The following CDH17 variants were observed in gnomAD, a reference collection of about 807,000 sequenced individuals.
CDH17 encodes the protein cadherin-17.
In CDH17, 67 loss-of-function variants were observed where a neutral mutation model predicts 86.3. That is an observed-to-expected ratio of 0.78 (90% CI 0.64 to 0.95). The LOEUF is 0.95. CDH17 is among the 40% of genes least tolerant of loss of function. The pLI is 0.00. For synonymous variants in CDH17, 367 were observed against 366.4 expected, an observed-to-expected ratio of 1.00 and a Z score of -0.02; for missense variants, 993 against 1,017.6, an observed-to-expected ratio of 0.98 and a Z score of 0.33.
intron 1 of CDH17, among the ~76,000 whole-genome samples, chr8:94,215,525 T>C (rs1446672163): frequency 1.3e-5 from 2 of 152,168 alleles, no homozygotes; most frequent in African/African-American, 4.8e-5. Flanking sequence ...CTAAAAGACA[T>C]GGGGCTGCTT....
intron 12 of CDH17, among the ~76,000 whole-genome samples, chr8:94,155,857 G>A (rs1277590030): frequency 6.6e-6 from 1 of 152,216 alleles, no homozygotes; most frequent in Non-Finnish European, 1.5e-5. Flanking sequence ...ATGAAAAGCA[G>A]CAGCCTGCCA....
intron 15 of CDH17, among the ~76,000 whole-genome samples, chr8:94,141,213 C>T (rs1297663787): frequency 1.3e-5 from 2 of 151,276 alleles, no homozygotes; most frequent in South Asian, 2.1e-4. Context: ...AAATCAGCCA[C>T]ATAGTCAATA....
At chr8:94,195,132 G>A (rs569427446) in intron 1 of CDH17, among the ~76,000 whole-genome samples, 62 of 152,232 alleles carry the variant, frequency 4.1e-4, no homozygotes, top group Non-Finnish European at 7.4e-4. Context: ...TTCCCAAGTA[G>A]CTGGGATTAC....
chr8:94,184,840 A>T lies in CDH17; in HGVS notation c.150+4347T>A, dbSNP rs75759452. 4.7e-3 allele frequency among the ~76,000 whole-genome samples: 711 copies of T among 152,256 alleles called. 7 individuals are homozygous for T. Among genetic ancestry groups the T allele is most frequent in the African/African-American group, 0.016 (683 of 41,542 alleles). On this transcript the variant is annotated intron_variant, in intron 3 of 17. Coordinates refer to ENST00000027335, the MANE Select transcript of CDH17 (RefSeq NM_004063.4). ...CTAGTTGAAAATCCACAATGAAAGA[A>T]GTGTATGGTGGTTCAGTTCATTTTA...
chr8:94,131,101 TGAGTTAAACTGCCCAAA>T (rs1426175974), intron 15 of CDH17, 109 bp from the exon 16 acceptor site: 12 of 673,542 alleles, frequency 1.8e-5, no homozygotes, highest in Non-Finnish European at 3.2e-5. Flanking sequence ...TGGCTAGATA[TGAGTTAAACTGCCCAAA>T]GTATCATCCA....
intron 1 of CDH17, among the ~76,000 whole-genome samples, chr8:94,201,002 G>A (rs1359642159): frequency 6.6e-6 from 1 of 152,228 alleles, no homozygotes; most frequent in East Asian, 1.9e-4. Flanking sequence ...CACAATGCCA[G>A]GCTAATTTTC....
At chr8:94,180,680 G>C (rs1813464280) in intron 3 of CDH17, among the ~76,000 whole-genome samples, 1 of 152,140 alleles carries the variant, frequency 6.6e-6, no homozygotes, top group South Asian at 2.1e-4. Context: ...GCAGTCACGA[G>C]ATTAGGAGAT....
At chr8:94,153,758 GA>G in intron 12 of CDH17, among the ~76,000 whole-genome samples, 1 of 152,284 alleles carries the variant, frequency 6.6e-6, no homozygotes, top group East Asian at 1.9e-4. Context: ...TAACACGGAT[GA>G]ACCTAGAAGA....
At position 94,146,052 on chromosome 8, in the gene CDH17, A is replaced by T; in HGVS notation, c.2043T>A (p.Ser681Arg). Residue 681 changes from serine (S) to arginine (R), a missense_variant, in exon 15 of 18, where the codon AGT becomes AGA. Ser to Arg is a moderately radical substitution (Grantham distance 110, BLOSUM62 -1). Coordinates refer to ENST00000027335, the MANE Select transcript of CDH17 (RefSeq NM_004063.4). The stretch of plus-strand genomic sequence containing the variant: ...CCTCGAAAATGAGACTTCCAGGTGC[A>T]CTGAGGGGATGGCAGAAGAACAAGC... Reference protein sequence around the residue: ...YTGLFFCHPLSAPGSLIFEAT... With the variant: ...YTGLFFCHPLRAPGSLIFEAT... 6.2e-7 allele frequency: 1 copy of T among 1,613,900 alleles called. No homozygotes were observed. Among genetic ancestry groups the T allele is most frequent in the Non-Finnish European group, 8.5e-7 (1 of 1,179,918 alleles).
intron 3 of CDH17, 141 bp from the exon 4 acceptor site, chr8:94,177,862 T>G (rs1813405292): frequency 2.7e-6 from 2 of 746,298 alleles, no homozygotes; most frequent in Non-Finnish European, 4.3e-6. Flanking sequence ...AGTGGTACCT[T>G]CTAAAAGTTT....
intron 12 of CDH17, among the ~76,000 whole-genome samples, chr8:94,156,643 A>G (rs894122884): frequency 1.3e-5 from 2 of 152,168 alleles, no homozygotes; most frequent in Non-Finnish European, 2.9e-5. Flanking sequence ...TTTCCCCTTG[A>G]GAGGCTGAGG....
chr8:94,189,964 A>C (rs531952103), intron 2 of CDH17, among the ~76,000 whole-genome samples: 2 of 152,358 alleles, frequency 1.3e-5, no homozygotes, highest in East Asian at 3.9e-4. Context: ...CAATGGTTCC[A>C]AAATCCAAAG....
rs1412967476 is a variant in CDH17, at chr8:94,170,953, G to A, written c.816C>T (p.Ser272=). Residue 272 remains serine, a synonymous_variant, in exon 8 of 18, where the codon TCC becomes TCT. Transcript: ENST00000027335. ...VRWNDPGAQY[S]LVDKEKLPRF... is the part of the protein sequence containing the mutation. ...TTGGCAGCTTCTCTTTGTCAACTAA[G>A]GAATATTGTGCACCGGGATCATTCC... 6.2e-6 allele frequency: 10 copies of A among 1,613,672 alleles called. No individual in the cohort carries two copies. Among genetic ancestry groups the A allele is most frequent in the South Asian group, 1.1e-5 (1 of 91,060 alleles).
chr8:94,153,944 A>G (rs756848467), intron 12 of CDH17, among the ~76,000 whole-genome samples: 2 of 152,226 alleles, frequency 1.3e-5, no homozygotes, highest in Non-Finnish European at 2.9e-5. Context: ...GTTAGAAGGA[A>G]TGAGTTTAAA....
chr8:94,176,980 T>C (rs1022773392), intron 4 of CDH17, among the ~76,000 whole-genome samples: 5 of 152,192 alleles, frequency 3.3e-5, no homozygotes, highest in Non-Finnish European at 7.4e-5. Context: ...GAAAGTGTTG[T>C]GTTCTCTTCC....
chr8:94,127,928 A>G lies in CDH17; in HGVS notation c.*312T>C. 1 of 270,248 alleles carries G rather than the reference A, an allele frequency of 3.7e-6. No homozygotes were observed. The highest frequency in any genetic ancestry group is 4.6e-5 in the South Asian group (1 of 21,950). 16.7% of individuals were successfully genotyped at this position (270,248 alleles called of 1,614,324 possible). A position where few individuals can be genotyped will look rare whatever the true frequency, so the allele number is the denominator to read the frequency against. On this transcript the variant is annotated 3_prime_UTR_variant, in exon 18 of 18. Transcript: ENST00000027335. The stretch of plus-strand genomic sequence containing the variant: ...GGCCAAATGGCGAAACCCCGTCTCT[A>G]TTAAAAATACAAAAATTAGCTGGGC...
chr8:94,188,962 C>A (rs1477824094), intron 3 of CDH17, among the ~76,000 whole-genome samples: 1 of 152,172 alleles, frequency 6.6e-6, no homozygotes, highest in Non-Finnish European at 1.5e-5. Flanking sequence ...GGGCTGGGAG[C>A]ACTCGCCCCA....
intron 15 of CDH17, among the ~76,000 whole-genome samples, chr8:94,144,541 C>CA (rs1412245495): frequency 6.6e-6 from 1 of 151,796 alleles, no homozygotes; most frequent in African/African-American, 2.4e-5. Context: ...CTTAAAAAGG[C>CA]ATAGAGCTAA....
intron 12 of CDH17, among the ~76,000 whole-genome samples, chr8:94,156,998 G>A (rs972105141): frequency 1.3e-5 from 2 of 152,186 alleles, no homozygotes; most frequent in African/African-American, 4.8e-5. Context: ...GAGAGGAGGT[G>A]GAGGCCTGGA....
Sources: allele counts gnomAD v4.1 joint callset (sites outside exome capture counted in the v4.1 genomes callset), GRCh38; gene constraint gnomAD v4.1.1; transcripts MANE v1.5; gene names NCBI Gene and HGNC (gene_info 2026-07-23, HGNC 2026-07-21).